The following MAPK8 variants were observed in gnomAD, a reference collection of about 807,000 sequenced individuals.
MAPK8 encodes mitogen-activated protein kinase 8.
MAPK8 carries 13 observed loss-of-function variants against 52.9 expected under a neutral mutation model. The observed-to-expected ratio is 0.25, with a 90% CI of 0.16 to 0.39. MAPK8 has a LOEUF of 0.39. MAPK8 is among the 10% of genes least tolerant of loss of function. The pLI is 1.00. For missense variants in MAPK8, 300 were observed against 519.2 expected (o/e 0.58, Z 4.10); for synonymous variants, 191 against 169.8 (o/e 1.12, Z -0.97).
intron 1 of MAPK8, among the ~76,000 whole-genome samples, chr10:48,376,256 TAAATG>T (rs1197452020): frequency 6.6e-6 from 1 of 152,282 alleles, no homozygotes; most frequent in East Asian, 1.9e-4. Flanking sequence ...ATTAAAGACT[TAAATG>T]TAAGACCTAA....
At chr10:48,426,699 C>T in intron 9 of MAPK8, 195 bp downstream of exon 9, 1 of 563,008 alleles carries the variant, frequency 1.8e-6, no homozygotes, top group Non-Finnish European at 3.0e-6. Context: ...AATAAAGTTA[C>T]CTCCCACTGT....
At chr10:48,363,920 A>G (rs1253849893) in intron 1 of MAPK8, among the ~76,000 whole-genome samples, 1 of 152,234 alleles carries the variant, frequency 6.6e-6, no homozygotes, top group Non-Finnish European at 1.5e-5. Flanking sequence ...AGTAGTAAAA[A>G]GTGCATTACA....
At chr10:48,390,327 C>A (rs1394669467) in intron 1 of MAPK8, among the ~76,000 whole-genome samples, 7 of 152,036 alleles carry the variant, frequency 4.6e-5, no homozygotes, top group African/African-American at 1.7e-4. Flanking sequence ...TAATGTTTAA[C>A]CAAATATATG....
rs1018491297 is a variant in MAPK8, at chr10:48,310,753, GTA to G, written c.-50+3934_-50+3935del. Among the ~76,000 whole-genome samples, 89 of 148,232 alleles carry G rather than the reference GTA, an allele frequency of 6.0e-4. 1 individual carries two copies. Among genetic ancestry groups the G allele is most frequent in the African/African-American group, 2.2e-3 (88 of 39,646 alleles). On this transcript the variant is annotated intron_variant, in intron 1 of 11. Transcript: ENST00000374189. The stretch of plus-strand genomic sequence containing the variant: ...ATTGTGTGTGTGTGTGTGTGTGTGT[GTA>G]TGTGTGTATACGTATGTGCATGGAG...
At chr10:48,366,783 A>C (rs1881736) in intron 1 of MAPK8, among the ~76,000 whole-genome samples, 1 of 151,790 alleles carries the variant, frequency 6.6e-6, no homozygotes, top group Non-Finnish European at 1.5e-5. Context: ...GGGTTGAAAA[A>C]TTTTTTTTCT....
At chr10:48,410,440 T>C (rs1415360431) in intron 5 of MAPK8, 1 of 283,552 alleles carries the variant, frequency 3.5e-6, no homozygotes, top group Admixed American at 5.1e-5. Flanking sequence ...TACGGCGTGA[T>C]GTTTTCAAGA....
At chr10:48,386,506 A>C (rs1035848088) in intron 1 of MAPK8, among the ~76,000 whole-genome samples, 1 of 152,214 alleles carries the variant, frequency 6.6e-6, no homozygotes, top group African/African-American at 2.4e-5. Context: ...CTAATAATCT[A>C]CATGCAGTTG....
intron 1 of MAPK8, among the ~76,000 whole-genome samples, chr10:48,401,358 A>G (rs1249944385): frequency 6.6e-6 from 1 of 152,158 alleles, no homozygotes; most frequent in Non-Finnish European, 1.5e-5. Flanking sequence ...TTATTAATGT[A>G]TTAATACTGG....
intron 1 of MAPK8, among the ~76,000 whole-genome samples, chr10:48,311,276 A>T (rs1182824321): frequency 6.6e-6 from 1 of 152,222 alleles, no homozygotes; most frequent in Admixed American, 6.5e-5. Flanking sequence ...CACAGTGTCC[A>T]TTCTAATTCT....
chr10:48,414,684 T>C (rs2133127517), intron 5 of MAPK8, among the ~76,000 whole-genome samples: 1 of 146,892 alleles, frequency 6.8e-6, no homozygotes, highest in South Asian at 2.3e-4. Flanking sequence ...TCAGTGATCA[T>C]CCCACTTCAG....
chr10:48,382,302 T>C (rs979787385), intron 1 of MAPK8, among the ~76,000 whole-genome samples: 3 of 152,140 alleles, frequency 2.0e-5, no homozygotes, highest in Admixed American at 1.3e-4. Context: ...TTACCAACAA[T>C]TAAAAAGCTA....
intron 5 of MAPK8, among the ~76,000 whole-genome samples, chr10:48,418,598 C>T (rs911987393): frequency 2.6e-5 from 4 of 152,180 alleles, no homozygotes; most frequent in Non-Finnish European, 4.4e-5. Context: ...GAACTACCCA[C>T]GTGCCCTTGC....
At chr10:48,428,775 CGAT>C (rs1293352099) in intron 10 of MAPK8, among the ~76,000 whole-genome samples, 1 of 151,978 alleles carries the variant, frequency 6.6e-6, no homozygotes, top group Non-Finnish European at 1.5e-5. Flanking sequence ...TTACAGTAGA[CGAT>C]GAAGTATTTT....
intron 1 of MAPK8, among the ~76,000 whole-genome samples, chr10:48,325,322 C>T (rs1441934636): frequency 6.6e-6 from 1 of 152,218 alleles, no homozygotes; most frequent in Non-Finnish European, 1.5e-5. Flanking sequence ...GATTGAACTA[C>T]AGTTCTTCCT....
At chr10:48,424,030 C>CT in intron 6 of MAPK8, 58 bp from the exon 7 acceptor site, 1 of 1,395,704 alleles carries the variant, frequency 7.2e-7, no homozygotes, top group East Asian at 2.3e-5. Flanking sequence ...TATTATGCTT[C>CT]TTTGATTTTA....
chr10:48,399,247 A>G (rs2042038247), intron 1 of MAPK8, among the ~76,000 whole-genome samples: 1 of 152,230 alleles, frequency 6.6e-6, no homozygotes, highest in Admixed American at 6.5e-5. Flanking sequence ...CAACACTGTG[A>G]GGAGCCAGAT....
At chr10:48,413,815 T>TTTTATATA (rs1223947558) in intron 5 of MAPK8, among the ~76,000 whole-genome samples, 4 of 48,414 alleles carry the variant, frequency 8.3e-5, no homozygotes, top group South Asian at 1.1e-3. Context: ...GCCAGAATTG[T>TTTTATATA]TATATATATA....
chr10:48,345,831 A>G (rs1845716437), intron 1 of MAPK8, among the ~76,000 whole-genome samples: 1 of 152,370 alleles, frequency 6.6e-6, no homozygotes, highest in African/African-American at 2.4e-5. Flanking sequence ...CAAAAGCCCC[A>G]GGAAAAAAAT....
intron 1 of MAPK8, among the ~76,000 whole-genome samples, chr10:48,389,949 A>G (rs545402685): frequency 2.6e-5 from 4 of 152,216 alleles, no homozygotes; most frequent in South Asian, 4.1e-4. Context: ...GTGGGTATGG[A>G]GGTTCATAGG....
Sources: allele counts gnomAD v4.1 joint callset (sites outside exome capture counted in the v4.1 genomes callset), GRCh38; gene constraint gnomAD v4.1.1; transcripts MANE v1.5; gene names NCBI Gene and HGNC (gene_info 2026-07-23, HGNC 2026-07-21).